LHFPL3: variants seen among roughly 807,000 people sequenced by gnomAD.
LHFPL3 encodes LHFPL tetraspan subfamily member 3, also known as LHFPL tetraspan subfamily member 3 protein.
Under a neutral mutation model 19.3 loss-of-function variants are expected in LHFPL3, and 5 were observed. That is an observed-to-expected ratio of 0.26 (90% CI 0.14 to 0.54). LHFPL3 has a LOEUF of 0.54. Among genes scored for constraint, LHFPL3 ranks in the 20% least tolerant of loss-of-function variants. The pLI is 0.94. For synonymous variants in LHFPL3, 133 were observed against 126.2 expected (o/e 1.05, Z -0.36); for missense variants, 249 against 307.4 (o/e 0.81, Z 1.42).
At chr7:104,778,819 A>C (rs1293443513) in intron 2 of LHFPL3, among the ~76,000 whole-genome samples, 2 of 152,244 alleles carry the variant, frequency 1.3e-5, no homozygotes, top group Admixed American at 6.5e-5. Flanking sequence ...GTGTTTCGGC[A>C]TCCTCTTCTC....
At chr7:104,615,781 T>C (rs1791322747) in intron 1 of LHFPL3, among the ~76,000 whole-genome samples, 1 of 151,944 alleles carries the variant, frequency 6.6e-6, no homozygotes, top group South Asian at 2.1e-4. Flanking sequence ...CGGTGTTTGG[T>C]TTTCGGTTCC....
At chr7:104,710,260 A>G (rs1344962196) in intron 1 of LHFPL3, among the ~76,000 whole-genome samples, 1 of 152,258 alleles carries the variant, frequency 6.6e-6, no homozygotes, top group South Asian at 2.1e-4. Flanking sequence ...TTGTTGCACC[A>G]CAAGACCATT....
chr7:104,347,183 A>G (rs1289024767), intron 1 of LHFPL3, among the ~76,000 whole-genome samples: 2 of 152,170 alleles, frequency 1.3e-5, no homozygotes, highest in African/African-American at 4.8e-5. Context: ...AACAAGAAGT[A>G]TAAAGGACTT....
At chr7:104,449,595 A>C (rs900061879) in intron 1 of LHFPL3, among the ~76,000 whole-genome samples, 3 of 152,216 alleles carry the variant, frequency 2.0e-5, no homozygotes, top group Non-Finnish European at 4.4e-5. Context: ...TTATCCTTAC[A>C]TATGAATTAA....
chr7:104,747,993 T>C (rs1347208189), intron 2 of LHFPL3, among the ~76,000 whole-genome samples: 1 of 152,150 alleles, frequency 6.6e-6, no homozygotes, highest in African/African-American at 2.4e-5. Context: ...GGAGACTCCA[T>C]TTTGTTCTGT....
chr7:104,761,485 C>G (rs1056215655), intron 2 of LHFPL3, among the ~76,000 whole-genome samples: 11 of 152,044 alleles, frequency 7.2e-5, no homozygotes, highest in African/African-American at 2.2e-4. Context: ...TGCCATTTCT[C>G]AAAGCTTCCC....
chr7:104,859,268 A>C (rs545699926), intron 2 of LHFPL3, among the ~76,000 whole-genome samples: 1 of 149,926 alleles, frequency 6.7e-6, no homozygotes, highest in African/African-American at 2.4e-5. Flanking sequence ...CACTGTCTCA[A>C]AAAAAAAAAA....
chr7:104,389,641 T>A (rs897963600), intron 1 of LHFPL3, among the ~76,000 whole-genome samples: 5 of 152,140 alleles, frequency 3.3e-5, no homozygotes, highest in Non-Finnish European at 7.4e-5. Context: ...TTTAAGACAG[T>A]GTGGTTCTGA....
intron 1 of LHFPL3, among the ~76,000 whole-genome samples, chr7:104,620,879 C>G (rs899353528): frequency 2.0e-5 from 3 of 152,206 alleles, no homozygotes; most frequent in Non-Finnish European, 1.5e-5. Flanking sequence ...CTGAAGCTGG[C>G]CTTCAAGGCC....
In LHFPL3 at chr7:104,477,402, G is replaced by C. The variant is rs929747168; in HGVS notation, c.445+148178G>C. Reference sequence around the variant, plus strand: ...CTGTGCTTGGTGATAGACATAAAATGATGAGCGACTCCAATGTGGTCTCTG... The same window carrying C: ...CTGTGCTTGGTGATAGACATAAAATCATGAGCGACTCCAATGTGGTCTCTG... On this transcript the variant is annotated intron_variant, in intron 1 of 2. Coordinates refer to ENST00000424859, the MANE Select transcript of LHFPL3 (RefSeq NM_199000.3). 3.3e-5 allele frequency among the ~76,000 whole-genome samples: 5 copies of C among 152,294 alleles called. No homozygotes were observed. The South Asian group carries it at 8.3e-4, about 25-fold the overall frequency.
chr7:104,879,164 C>A (rs553602752), intron 2 of LHFPL3, among the ~76,000 whole-genome samples: 1 of 152,284 alleles, frequency 6.6e-6, no homozygotes, highest in South Asian at 2.1e-4. Flanking sequence ...CACCTGTAAT[C>A]CCAGCATTTT....
intron 2 of LHFPL3, among the ~76,000 whole-genome samples, chr7:104,839,471 A>G (rs982484396): frequency 1.3e-5 from 2 of 152,154 alleles, no homozygotes; most frequent in African/African-American, 4.8e-5. Context: ...GTTCGAGACC[A>G]GCCTGGCCAA....
intron 1 of LHFPL3, among the ~76,000 whole-genome samples, chr7:104,538,678 TAA>T (rs1194111120): frequency 6.6e-6 from 1 of 152,168 alleles, no homozygotes; most frequent in Non-Finnish European, 1.5e-5. Flanking sequence ...AGATGATGAA[TAA>T]AGAGTGAGGA....
chr7:104,522,152 G>C (rs1794078726), intron 1 of LHFPL3, among the ~76,000 whole-genome samples: 1 of 152,036 alleles, frequency 6.6e-6, no homozygotes, highest in Admixed American at 6.6e-5. Context: ...GTCCAACAAT[G>C]ATAGACTGGA....
intron 2 of LHFPL3, among the ~76,000 whole-genome samples, chr7:104,869,258 G>C (rs1170547270): frequency 1.3e-5 from 2 of 152,138 alleles, no homozygotes; most frequent in Non-Finnish European, 2.9e-5. Context: ...TTAAACTAAA[G>C]AGCTTCTGCA....
At chr7:104,690,427 CT>C (rs1433586743) in intron 1 of LHFPL3, among the ~76,000 whole-genome samples, 2 of 152,266 alleles carry the variant, frequency 1.3e-5, no homozygotes, top group African/African-American at 4.8e-5. Flanking sequence ...GTGTCATAAT[CT>C]TGTTCGCAAA....
chr7:104,897,993 A>G (rs1407030472), intron 2 of LHFPL3, among the ~76,000 whole-genome samples: 2 of 144,304 alleles, frequency 1.4e-5, no homozygotes, highest in African/African-American at 5.1e-5. Context: ...GCTGACAGAA[A>G]GAAATGTCAC....
chr7:104,727,035 T>C (rs1562974367), intron 1 of LHFPL3, among the ~76,000 whole-genome samples: 1 of 152,224 alleles, frequency 6.6e-6, no homozygotes, highest in Non-Finnish European at 1.5e-5. Context: ...CTGACTGGCA[T>C]GAGAAGCATC....
In LHFPL3 at chr7:104,814,785, C is replaced by G. The variant is rs1431389694; in HGVS notation, c.682+77874C>G. Reference sequence around the variant, plus strand: ...AGGGTGCTGGCGTGTCAGCACTGCCCCAAGTGTGTGCACGCTCGACTGGGC... The same window carrying G: ...AGGGTGCTGGCGTGTCAGCACTGCCGCAAGTGTGTGCACGCTCGACTGGGC... On this transcript the variant is annotated intron_variant, in intron 2 of 2. Transcript: ENST00000424859. Among the ~76,000 whole-genome samples, 3 of 152,340 alleles carry G rather than the reference C, an allele frequency of 2.0e-5. No individual in the cohort carries two copies. The South Asian group carries it at 6.2e-4, about 32-fold the overall frequency.
Sources: allele counts gnomAD v4.1 joint callset (sites outside exome capture counted in the v4.1 genomes callset), GRCh38; gene constraint gnomAD v4.1.1; transcripts MANE v1.5; gene names NCBI Gene and HGNC (gene_info 2026-07-23, HGNC 2026-07-21).